The following STIM1 variants were observed in gnomAD, a reference collection of about 807,000 sequenced individuals.
STIM1 encodes the protein stromal interaction molecule 1.
Under a neutral mutation model 74.7 loss-of-function variants are expected in STIM1, and 25 were observed. The observed-to-expected ratio is 0.33, with a 90% CI of 0.24 to 0.47. The LOEUF is 0.47. Among genes scored for constraint, STIM1 ranks in the 20% least tolerant of loss-of-function variants. The pLI is 1.00. For synonymous variants in STIM1, 328 were observed against 348.8 expected (o/e 0.94, Z 0.66); for missense variants, 728 against 920.8 (o/e 0.79, Z 2.71).
intron 3 of STIM1, among the ~76,000 whole-genome samples, chr11:4,051,414 C>T (rs1413129562): frequency 6.6e-6 from 1 of 150,650 alleles, no homozygotes; most frequent in Non-Finnish European, 1.5e-5. Context: ...GCAATCTCGG[C>T]TCACTGCAAC....
At chr11:4,007,191 A>G (rs750660176) in intron 2 of STIM1, among the ~76,000 whole-genome samples, 13 of 152,114 alleles carry the variant, frequency 8.5e-5, no homozygotes, top group Non-Finnish European at 1.5e-4. Flanking sequence ...TTGTAGAACT[A>G]TTGAGCTGTA....
intron 2 of STIM1, among the ~76,000 whole-genome samples, chr11:3,975,181 T>A (rs940167742): frequency 1.3e-4 from 20 of 152,334 alleles, no homozygotes; most frequent in African/African-American, 3.4e-4. Context: ...ATTATAGTAG[T>A]CTAGTGACTT....
intron 3 of STIM1, among the ~76,000 whole-genome samples, chr11:4,044,951 C>A (rs2094178568): frequency 6.6e-6 from 1 of 152,124 alleles, no homozygotes; most frequent in South Asian, 2.1e-4. Context: ...AAACATCCTG[C>A]AATGCACAGG....
chr11:3,905,533 G>A lies in STIM1; in HGVS notation c.139+49124G>A, dbSNP rs574636654. Among the ~76,000 whole-genome samples, 44 of 152,112 alleles carry A rather than the reference G, an allele frequency of 2.9e-4. No homozygotes were observed. In the South Asian group the frequency reaches 4.4e-3, roughly 15 times the overall value. On this transcript the variant is annotated intron_variant, in intron 1 of 12. Transcript: ENST00000526596. ...ACTGTGCTGCTCTGCTGAAGCCTGC[G>A]GTCACTAGAGCATGGGGCAGACAAG...
At position 4,072,710 on chromosome 11, in the gene STIM1, C is replaced by T. The variant is rs140582592; in HGVS notation, c.792-1792C>T. On this transcript the variant is annotated intron_variant, in intron 6 of 12. Coordinates refer to ENST00000526596, the MANE Select transcript of STIM1 (RefSeq NM_001382567.1). ...GACATATCATAGTATTGGCTTTTCT[C>T]AAGAGGCTGCTTTCATAAAAGGACA... Among the ~76,000 whole-genome samples the T allele has an allele frequency of 7.9e-5, 12 of 152,246 alleles. No individual in the cohort carries two copies. In the East Asian group the frequency reaches 1.9e-3, roughly 24 times the overall value.
At chr11:3,982,322 A>G (rs1674447638) in intron 2 of STIM1, among the ~76,000 whole-genome samples, 1 of 152,124 alleles carries the variant, frequency 6.6e-6, no homozygotes, top group South Asian at 2.1e-4. Context: ...GAGCCAACGC[A>G]CCCAGCCTGG....
intron 1 of STIM1, among the ~76,000 whole-genome samples, chr11:3,886,709 A>AG (rs949655975): frequency 7.5e-6 from 1 of 132,680 alleles, no homozygotes; most frequent in African/African-American, 2.8e-5. Context: ...AAAAAAAAAA[A>AG]AAGGTCTTAT....
intron 1 of STIM1, among the ~76,000 whole-genome samples, chr11:3,911,449 G>A (rs372077292): frequency 4.6e-5 from 7 of 152,058 alleles, no homozygotes; most frequent in African/African-American, 1.7e-4. Context: ...GTCTCACTCT[G>A]TTGCCCAGGC....
At chr11:3,897,065 G>C (rs1367203535) in intron 1 of STIM1, among the ~76,000 whole-genome samples, 2 of 152,056 alleles carry the variant, frequency 1.3e-5, no homozygotes, top group Admixed American at 6.6e-5. Flanking sequence ...GCTCTCTTAG[G>C]GCCTGTTATT....
At chr11:4,035,340 C>T (rs993411778) in intron 3 of STIM1, among the ~76,000 whole-genome samples, 4 of 150,060 alleles carry the variant, frequency 2.7e-5, no homozygotes, top group South Asian at 2.1e-4. Context: ...AGAGTGAAGA[C>T]ACAATTAATG....
At chr11:3,882,775 G>T (rs1204858351) in intron 1 of STIM1, among the ~76,000 whole-genome samples, 1 of 152,142 alleles carries the variant, frequency 6.6e-6, no homozygotes, top group Non-Finnish European at 1.5e-5. Context: ...ACCAGCAATG[G>T]ACTAAAGTTC....
chr11:4,011,362 A>G (rs1488161567), intron 2 of STIM1, among the ~76,000 whole-genome samples: 22 of 152,202 alleles, frequency 1.4e-4, no homozygotes, highest in Non-Finnish European at 8.8e-5. Flanking sequence ...CTATTTCTCC[A>G]CATCCTTTCC....
intron 1 of STIM1, among the ~76,000 whole-genome samples, chr11:3,919,241 T>C (rs1279725435): frequency 6.6e-6 from 1 of 152,202 alleles, no homozygotes; most frequent in Non-Finnish European, 1.5e-5. Context: ...GTTTCGCTCT[T>C]ACTGCCCAGG....
intron 2 of STIM1, among the ~76,000 whole-genome samples, chr11:3,970,734 A>C (rs145521098): frequency 3.9e-5 from 6 of 152,310 alleles, no homozygotes; most frequent in Non-Finnish European, 8.8e-5. Context: ...AAAAAAAATC[A>C]CAACAGCAAA....
Position 3,888,804 on chromosome 11 carries a change from G to A in STIM1, c.139+32395G>A, listed in dbSNP as rs371015072. ...TGACCTCAAGTGATCCGCCCGTGTC[G>A]GCTTCCCAAAGTGCTGGGATTACAG... is the stretch of plus-strand genomic sequence containing the variant. On this transcript the variant is annotated intron_variant, in intron 1 of 12. Coordinates refer to ENST00000526596, the MANE Select transcript of STIM1 (RefSeq NM_001382567.1). Among the ~76,000 whole-genome samples the A allele has an allele frequency of 1.2e-4, 19 of 152,092 alleles. 1 individual carries two copies. The South Asian group carries it at 2.3e-3, about 18-fold the overall frequency.
intron 1 of STIM1, among the ~76,000 whole-genome samples, chr11:3,864,921 A>G (rs1268354821): frequency 6.6e-6 from 1 of 152,138 alleles, no homozygotes; most frequent in Non-Finnish European, 1.5e-5. Context: ...TTGCTTTGAC[A>G]TGACCTATCC....
intron 3 of STIM1, among the ~76,000 whole-genome samples, chr11:4,026,066 C>T (rs540288239): frequency 4.6e-5 from 7 of 152,248 alleles, no homozygotes; most frequent in East Asian, 1.9e-4. Context: ...CTAATCTCTC[C>T]GGAGTGATGA....
chr11:3,856,414 G>T lies in STIM1; in HGVS notation c.139+5G>T. On this transcript the variant is annotated splice_donor_5th_base_variant and intron_variant, in intron 1 of 12. Coordinates refer to ENST00000526596, the MANE Select transcript of STIM1 (RefSeq NM_001382567.1). ...CTGAGGAGTCCACTGCAGCAGGTAA[G>T]GCCTTGCTGCGGGCTGGACTGGGCT... The T allele has an allele frequency of 3.1e-6, 5 of 1,613,590 alleles. No homozygotes were observed. Among genetic ancestry groups the T allele is most frequent in the Non-Finnish European group, 4.2e-6 (5 of 1,179,752 alleles).
chr11:4,091,916 A>G lies in STIM1; in HGVS notation c.*118A>G, dbSNP rs367653386. ...AGTGGGGCATGGGAAGGGCTGGTCC[A>G]GGGGTCTGGGCACTGTACATACCTG... On this transcript the variant is annotated 3_prime_UTR_variant, in exon 13 of 13. Coordinates refer to ENST00000526596, the MANE Select transcript of STIM1 (RefSeq NM_001382567.1). 1 of 1,418,736 alleles carries G rather than the reference A, an allele frequency of 7.0e-7. No homozygotes were observed. Among genetic ancestry groups the G allele is most frequent in the Non-Finnish European group, 9.7e-7 (1 of 1,036,036 alleles). The allele number at this position is 1,418,736 out of a possible 1,614,324, so 87.9% of individuals were successfully genotyped here. A position where few individuals can be genotyped will look rare whatever the true frequency, so the allele number is the denominator to read the frequency against.
Sources: gnomAD v4.1 joint callset for allele counts (sites outside exome capture counted in the v4.1 genomes callset) on GRCh38, gnomAD v4.1.1 for gene constraint, MANE v1.5 for transcripts, NCBI Gene and HGNC (gene_info 2026-07-23, HGNC 2026-07-21) for gene names.